Variants in HERC4 observed in about 807,000 individuals in gnomAD.
HERC4 encodes the protein probable E3 ubiquitin-protein ligase HERC4.
In HERC4, 28 loss-of-function variants were observed where a neutral mutation model predicts 124.3. The ratio of observed to expected loss-of-function variants is 0.23; its 90% CI spans 0.17 to 0.31. The LOEUF (loss-of-function observed/expected upper bound fraction) is 0.31. Among genes scored for constraint, HERC4 ranks in the 10% least tolerant of loss-of-function variants. The pLI, the probability that HERC4 is intolerant of heterozygous loss-of-function variation, is 1.00. For synonymous variants in HERC4, 407 were observed against 421.5 expected (o/e 0.97, Z 0.42); for missense variants, 713 against 1,229.3 (o/e 0.58, Z 6.28).
chr10:67,945,070 T>A (rs2033219580), intron 19 of HERC4, among the ~76,000 whole-genome samples: 1 of 152,164 alleles, frequency 6.6e-6, no homozygotes, highest in African/African-American at 2.4e-5. Flanking sequence ...ATCCCAAACC[T>A]AGGGAAAGGT....
intron 8 of HERC4, among the ~76,000 whole-genome samples, chr10:68,018,021 T>C (rs2038371691): frequency 6.6e-6 from 1 of 152,228 alleles, no homozygotes. Flanking sequence ...GGTACATTCC[T>C]CAATGTTATT....
rs113194334 is a variant in HERC4 at position 67,987,182 on chromosome 10, A to G, written c.1806+1481T>C. On this transcript the variant is annotated intron_variant, in intron 15 of 24. Transcript: ENST00000373700. ...ATGAAACTCTATCAAGTTCTTCCTT[A>G]GTTGAGACTGAAGTTACTGAGCTAG... 1.3e-5 allele frequency among the ~76,000 whole-genome samples: 2 copies of G among 152,306 alleles called. 1 individual carries two copies. The highest frequency in any genetic ancestry group is 4.8e-5 in the African/African-American group (2 of 41,566).
chr10:67,959,265 A>G, intron 16 of HERC4: 1 of 663,010 alleles, frequency 1.5e-6, no homozygotes, highest in African/African-American at 1.9e-5. Flanking sequence ...AATGAGGTAG[A>G]AAATACATCT....
At chr10:68,027,209 G>A (rs998755580) in intron 7 of HERC4, among the ~76,000 whole-genome samples, 1 of 152,100 alleles carries the variant, frequency 6.6e-6, no homozygotes, top group African/African-American at 2.4e-5. Context: ...ACTGTTATAT[G>A]AGAACATTCA....
chr10:67,959,874 G>A lies in HERC4; in HGVS notation c.1927-2898C>T, dbSNP rs146455883. Among the ~76,000 whole-genome samples, 162 of 152,314 alleles carry A rather than the reference G, an allele frequency of 1.1e-3. No individual in the cohort carries two copies. In the East Asian group the frequency reaches 0.013, roughly 12 times the overall value. On this transcript the variant is annotated intron_variant, in intron 16 of 24. Coordinates refer to ENST00000373700, the MANE Select transcript of HERC4 (RefSeq NM_015601.4). ...CCACATATGCTCAGAGCACAGACTCGTGTAAAGCACCAGAATCTTCAGAAA... is the reference window on the plus strand; with the variant it reads ...CCACATATGCTCAGAGCACAGACTCATGTAAAGCACCAGAATCTTCAGAAA...
At chr10:68,010,751 T>A in intron 9 of HERC4, 2 of 1,490,884 alleles carry the variant, frequency 1.3e-6, no homozygotes, top group South Asian at 2.4e-5. Context: ...GCTGAACATA[T>A]TCCCAAATAG....
At chr10:67,966,445 T>C (rs970872179) in intron 16 of HERC4, 1 of 340,838 alleles carries the variant, frequency 2.9e-6, no homozygotes, top group Non-Finnish European at 5.2e-6. Context: ...TTGTCTTGTT[T>C]TGTTTTGTTT....
At chr10:68,064,590 A>G (rs961657086) in intron 3 of HERC4, among the ~76,000 whole-genome samples, 34 of 151,160 alleles carry the variant, frequency 2.2e-4, no homozygotes, top group African/African-American at 4.2e-4. Flanking sequence ...GAGAGAGAGA[A>G]AAAAAGAAAA....
In HERC4 at chr10:67,992,887, T is replaced by A. The variant is rs140225788; in HGVS notation, c.1070-205A>T. On this transcript the variant is annotated intron_variant, in intron 9 of 24. Coordinates refer to ENST00000373700, the MANE Select transcript of HERC4 (RefSeq NM_015601.4). ...TGAACATTAAACGATCCCACAAGCA[T>A]AAGCAGCATTTGGTGAAGTTTACAA... is the stretch of plus-strand genomic sequence containing the variant. 1.6e-4 allele frequency: 66 copies of A among 414,236 alleles called. No individual in the cohort carries two copies. In the East Asian group the frequency reaches 2.6e-3, roughly 16 times the overall value. 25.7% of individuals were successfully genotyped at this position (414,236 alleles called of 1,614,324 possible). A position where few individuals can be genotyped will look rare whatever the true frequency, so the allele number is the denominator to read the frequency against.
intron 18 of HERC4, 81 bp from the exon 19 acceptor site, chr10:67,954,819 T>C (rs2034035061): frequency 7.7e-7 from 1 of 1,292,040 alleles, no homozygotes; most frequent in Admixed American, 2.4e-5. Context: ...ATGTTATTTA[T>C]TACTAATACT....
In HERC4 at chr10:68,003,610, C is replaced by T. The variant is rs150868951; in HGVS notation, c.1069+10416G>A. On this transcript the variant is annotated intron_variant, in intron 9 of 24. Coordinates refer to ENST00000373700, the MANE Select transcript of HERC4 (RefSeq NM_015601.4). ...TCTAGCTTCCACCAACAAGTGAGAA[C>T]ATGTGACTGTCTTTCTGTGCTGGCT... is the stretch of plus-strand genomic sequence containing the variant. 2.6e-3 allele frequency among the ~76,000 whole-genome samples: 402 copies of T among 152,266 alleles called. 1 individual carries two copies. The highest frequency in any genetic ancestry group is 9.0e-3 in the African/African-American group (372 of 41,552).
intron 8 of HERC4, among the ~76,000 whole-genome samples, chr10:68,018,434 C>T (rs923762060): frequency 6.6e-6 from 1 of 152,096 alleles, no homozygotes; most frequent in Non-Finnish European, 1.5e-5. Context: ...CTATGAAATA[C>T]TGAAAGTTTT....
chr10:68,065,646 G>A (rs75724917), intron 3 of HERC4, among the ~76,000 whole-genome samples: 2,158 of 152,218 alleles, frequency 0.014, 51 homozygotes, highest in African/African-American at 0.049. Flanking sequence ...TCTGAGGTGC[G>A]AGGATCACTT....
At chr10:68,006,467 G>A (rs535545155) in intron 9 of HERC4, among the ~76,000 whole-genome samples, 3 of 151,904 alleles carry the variant, frequency 2.0e-5, no homozygotes, top group East Asian at 1.9e-4. Flanking sequence ...CACCTCCCGG[G>A]TTCAAGCAAT....
intron 7 of HERC4, among the ~76,000 whole-genome samples, chr10:68,027,030 T>A (rs1414004358): frequency 1.3e-5 from 2 of 152,060 alleles, no homozygotes; most frequent in African/African-American, 4.8e-5. Context: ...ATATAATATA[T>A]AACTAATTAA....
chr10:67,925,420 A>C (rs1477925555), intron 23 of HERC4, among the ~76,000 whole-genome samples: 4 of 152,224 alleles, frequency 2.6e-5, no homozygotes, highest in African/African-American at 9.6e-5. Context: ...TCATACTATC[A>C]TCTTCAAAAG....
chr10:67,994,035 T>A (rs953724403), intron 9 of HERC4: 1 of 152,186 alleles, frequency 6.6e-6, no homozygotes, highest in Admixed American at 6.5e-5. Context: ...TACCTGTCCA[T>A]ACAAATATGC....
In HERC4 at chr10:67,981,458, T is replaced by C. The variant is rs550526865; in HGVS notation, c.1806+7205A>G. 5.9e-5 allele frequency among the ~76,000 whole-genome samples: 9 copies of C among 152,296 alleles called. No homozygotes were observed. In the South Asian group the frequency reaches 1.9e-3, roughly 32 times the overall value. On this transcript the variant is annotated intron_variant, in intron 15 of 24. Transcript: ENST00000373700. ...AGATGAAGCCTTCAACACTCCACTT[T>C]TGGCACTGGACAGAGATGTACAGAC...
intron 16 of HERC4, chr10:67,961,031 T>C (rs757558385): frequency 1.2e-4 from 35 of 304,202 alleles, no homozygotes; most frequent in Non-Finnish European, 2.0e-4. Context: ...CTTCTGTACC[T>C]GACCATTGCG....
Sources: gnomAD v4.1 joint callset for allele counts (sites outside exome capture counted in the v4.1 genomes callset) on GRCh38, gnomAD v4.1.1 for gene constraint, MANE v1.5 for transcripts, NCBI Gene and HGNC (gene_info 2026-07-23, HGNC 2026-07-21) for gene names.